SPATC1L: variants seen among roughly 807,000 people sequenced by gnomAD.
SPATC1L encodes spermatogenesis and centriole associated 1 like.
SPATC1L carries 20 observed loss-of-function variants against 21.2 expected under a neutral mutation model. The observed-to-expected ratio is 0.94, with a 90% CI of 0.66 to 1.37. The LOEUF (loss-of-function observed/expected upper bound fraction) is 1.37. Among genes scored for constraint, SPATC1L ranks in the 40% most tolerant of loss-of-function variants. SPATC1L has a pLI of 0.00. For synonymous variants in SPATC1L, 290 were observed against 234.5 expected (o/e 1.24, Z -2.16); for missense variants, 499 against 478.7 (o/e 1.04, Z -0.40).
chr21:46,181,567 C>T (rs2079674235), intron 2 of SPATC1L, among the ~76,000 whole-genome samples: 1 of 152,210 alleles, frequency 6.6e-6, no homozygotes, highest in Non-Finnish European at 1.5e-5. Context: ...GCTCAGAGTG[C>T]ACATCTGAGG....
rs1388614893 is a variant in SPATC1L at position 46,182,718 on chromosome 21, C to A, written c.99G>T (p.Arg33=). 6.5e-7 allele frequency: 1 copy of A among 1,546,574 alleles called. No individual in the cohort carries two copies. Residue 33 remains arginine (R), a synonymous_variant, in exon 2 of 5, where the codon CGG becomes CGT. Coordinates refer to ENST00000291672, the MANE Select transcript of SPATC1L (RefSeq NM_001142854.2). ...RLLKENQMLR[R]LLSQSCQEGG... is the part of the protein sequence containing the mutation. ...CCTCCTGGCAGCTCTGGCTGAGCAG[C>A]CGCCGCAGCATCTGATTCTCCTTCA...
chr21:46,177,487 A>G (rs1425309965), intron 2 of SPATC1L, among the ~76,000 whole-genome samples: 1 of 152,232 alleles, frequency 6.6e-6, no homozygotes, highest in Non-Finnish European at 1.5e-5. Flanking sequence ...CATACAGCCA[A>G]CGAGCATATG....
intron 3 of SPATC1L, among the ~76,000 whole-genome samples, chr21:46,166,709 C>T (rs1243744257): frequency 6.6e-6 from 1 of 152,114 alleles, no homozygotes; most frequent in Non-Finnish European, 1.5e-5. Flanking sequence ...ATAAAGGGGT[C>T]AATTCAGCAA....
rs540248819 is a variant in SPATC1L, at chr21:46,168,622, G to A, written c.230C>T (p.Thr77Met). The A allele has an allele frequency of 8.1e-5, 115 of 1,412,174 alleles. 2 individuals carry two copies. In the South Asian group the frequency reaches 1.1e-3, roughly 14 times the overall value. 87.5% of individuals were successfully genotyped at this position (1,412,174 alleles called of 1,614,324 possible). A position where few individuals can be genotyped will look rare whatever the true frequency, so the allele number is the denominator to read the frequency against. ...DFGRFTSVADTPSQLQTSSLE... is the reference protein window; with the variant it reads ...DFGRFTSVADMPSQLQTSSLE... ...GGAGGATGTCTGCAGTTGGGAGGGC[G>A]TGTCGGCAACACTCGTGAACCTTCC... Residue 77 changes from threonine (T) to methionine (M), a missense_variant, in exon 3 of 5, where the codon ACG (threonine) becomes ATG (methionine). By Grantham distance (81) the Thr-to-Met change is moderately conservative. Transcript: ENST00000291672.
In SPATC1L at chr21:46,161,322, G is replaced by A. The variant is rs931583394; in HGVS notation, c.*57C>T. On this transcript the variant is annotated 3_prime_UTR_variant, in exon 5 of 5. Transcript: ENST00000291672. ...CGGGGGGACGCGCAGGAGGCACCGC[G>A]GCCCCGGGTTGGAACAAACGCGTTT... The A allele has an allele frequency of 4.6e-5, 66 of 1,425,738 alleles. No individual in the cohort carries two copies. In the South Asian group the frequency reaches 6.2e-4, roughly 13 times the overall value. 88.3% of individuals were successfully genotyped at this position (1,425,738 alleles called of 1,614,324 possible).
intron 2 of SPATC1L, among the ~76,000 whole-genome samples, chr21:46,169,169 T>G (rs1292198252): frequency 6.6e-6 from 1 of 152,286 alleles, no homozygotes; most frequent in Admixed American, 6.5e-5. Context: ...ACCCTTGCCC[T>G]ATTGATGGAC....
chr21:46,174,996 C>T (rs1240885192), intron 2 of SPATC1L, among the ~76,000 whole-genome samples: 1 of 152,122 alleles, frequency 6.6e-6, no homozygotes, highest in Admixed American at 6.5e-5. Flanking sequence ...AGAAATCAAG[C>T]CTAAAAAATT....
chr21:46,161,922 G>C lies in SPATC1L; in HGVS notation c.690C>G (p.Ile230Met), dbSNP rs140005796. 6.2e-7 allele frequency: 1 copy of C among 1,606,516 alleles called. No homozygotes were observed. Among genetic ancestry groups the C allele is most frequent in the Non-Finnish European group, 8.5e-7 (1 of 1,179,298 alleles). Residue 230 changes from isoleucine to methionine, a missense_variant, in exon 4 of 5, where the codon ATC becomes ATG. Transcript: ENST00000291672. ...GFTVANIPEK[I>M]EQTSTKSLDG... Reference sequence around the variant, plus strand: ...CCCTCCCCACGGGGCGCACCTGCTCGATCTTCTCGGGGATGTTGGCCACCG... The same window carrying C: ...CCCTCCCCACGGGGCGCACCTGCTCCATCTTCTCGGGGATGTTGGCCACCG...
At chr21:46,174,350 A>AAAAC (rs2079616174) in intron 2 of SPATC1L, among the ~76,000 whole-genome samples, 1 of 148,160 alleles carries the variant, frequency 6.7e-6, no homozygotes, top group African/African-American at 2.6e-5. Flanking sequence ...AAAACAAAAA[A>AAAAC]AAAAAAAAAA....
intron 2 of SPATC1L, among the ~76,000 whole-genome samples, chr21:46,171,325 C>T (rs1447887564): frequency 2.0e-5 from 3 of 151,882 alleles, no homozygotes; most frequent in Non-Finnish European, 4.4e-5. Flanking sequence ...GTGTTCGGAG[C>T]CATATCAAAA....
chr21:46,162,625 C>G (rs1484103187), intron 3 of SPATC1L, among the ~76,000 whole-genome samples: 2 of 141,534 alleles, frequency 1.4e-5, no homozygotes, highest in African/African-American at 5.3e-5. Context: ...CTCACTCTGT[C>G]ATCCAGGCTG....
chr21:46,168,663 G>C lies in SPATC1L; in HGVS notation c.194-5C>G. On this transcript the variant is annotated splice_region_variant and splice_polypyrimidine_tract_variant and intron_variant, in intron 2 of 4. Transcript: ENST00000291672. Reference sequence around the variant, plus strand: ...TGAACCTTCCGAAATCTGGAACTGAGGCGGGGAGGAAAGGGATGAGAAATC... The same window carrying C: ...TGAACCTTCCGAAATCTGGAACTGACGCGGGGAGGAAAGGGATGAGAAATC... The C allele has an allele frequency of 7.4e-7, 1 of 1,357,692 alleles. No homozygotes were observed. Among genetic ancestry groups the C allele is most frequent in the Non-Finnish European group, 9.6e-7 (1 of 1,042,590 alleles). The allele number at this position is 1,357,692 out of a possible 1,614,324, so 84.1% of individuals were successfully genotyped here.
In SPATC1L at chr21:46,161,408, C is replaced by A. The variant is rs553752275; in HGVS notation, c.994G>T (p.Glu332Ter). Reference protein sequence around the residue: ...LLNCLCELSKEDGKPLFAW With the variant: ...LLNCLCELSK ...CAGGCGAAGAGGGGCTTGCCGTCCT[C>A]CTTGGAGAGCTCGCACAGGCAGTTG... Residue 332 changes from glutamate (E) to a stop codon, truncating the protein, a stop_gained, in exon 5 of 5, where the codon GAG becomes TAG. Transcript: ENST00000291672. LOFTEE classifies it high-confidence loss of function. The A allele has an allele frequency of 1.4e-5, 22 of 1,553,028 alleles. No individual in the cohort carries two copies. The East Asian group carries it at 2.0e-4, about 14-fold the overall frequency.
intron 2 of SPATC1L, among the ~76,000 whole-genome samples, chr21:46,171,228 T>C (rs555846163): frequency 1.3e-5 from 2 of 152,372 alleles, no homozygotes; most frequent in East Asian, 3.9e-4. Context: ...ATTTAGCTTA[T>C]CTATGCCTTT....
At chr21:46,162,198 G>T in intron 3 of SPATC1L, 131 bp from the exon 4 acceptor site, 1 of 1,051,096 alleles carries the variant, frequency 9.5e-7, no homozygotes, top group Non-Finnish European at 1.3e-6. Flanking sequence ...CCCACTGTCT[G>T]GCAAATAGAA....
At position 46,183,258 on chromosome 21, in the gene SPATC1L, G is replaced by T; in HGVS notation, c.-442C>A. 1 of 180,042 alleles carries T rather than the reference G, an allele frequency of 5.6e-6. No homozygotes were observed. 11.2% of individuals were successfully genotyped at this position (180,042 alleles called of 1,614,324 possible). On this transcript the variant is annotated 5_prime_UTR_variant, in exon 2 of 5. Coordinates refer to ENST00000291672, the MANE Select transcript of SPATC1L (RefSeq NM_001142854.2). ...TAACATGTGGGCTGCACTTCCCATA[G>T]GACCTGCCCAGGACACAGGGTTCCC...
At chr21:46,173,032 A>G (rs12482741) in intron 2 of SPATC1L, among the ~76,000 whole-genome samples, 146,139 of 152,276 alleles carry the variant, frequency 0.96, 70,173 homozygotes, top group East Asian at 1. Flanking sequence ...TAGAGAAGTG[A>G]TGGGGGCAGC....
At position 46,161,713 on chromosome 21, in the gene SPATC1L, C is replaced by G. The variant is rs748459519; in HGVS notation, c.697-8G>C. 6.3e-7 allele frequency: 1 copy of G among 1,577,820 alleles called. No homozygotes were observed. The highest frequency in any genetic ancestry group is 8.6e-7 in the Non-Finnish European group (1 of 1,161,068). On this transcript the variant is annotated splice_polypyrimidine_tract_variant and splice_region_variant and intron_variant, in intron 4 of 4. Transcript: ENST00000291672. The stretch of plus-strand genomic sequence containing the variant: ...CAGAGACTTGGTGGAGGTCTGCGGG[C>G]GCAGCGCATGGATGGGGGTGGGGGG...
intron 3 of SPATC1L, among the ~76,000 whole-genome samples, chr21:46,165,937 G>A (rs147977161): frequency 1.3e-4 from 20 of 151,808 alleles, no homozygotes; most frequent in East Asian, 1.9e-4. Flanking sequence ...TAGTTTCAGC[G>A]GTGAATTCTA....
Sources: allele counts gnomAD v4.1 joint callset (sites outside exome capture counted in the v4.1 genomes callset), GRCh38; gene constraint gnomAD v4.1.1; transcripts MANE v1.5; gene names NCBI Gene and HGNC (gene_info 2026-07-23, HGNC 2026-07-21).